ZNF438: variants seen among roughly 807,000 people sequenced by gnomAD.
The protein encoded by ZNF438 is zinc finger protein 438.
ZNF438 carries 25 observed loss-of-function variants against 38.0 expected under a neutral mutation model. That is an observed-to-expected ratio of 0.66 (90% confidence interval 0.48 to 0.92). The LOEUF (loss-of-function observed/expected upper bound fraction) is 0.92. Among genes scored for constraint, ZNF438 ranks in the 40% least tolerant of loss-of-function variants. The probability of loss-of-function intolerance (pLI) is 0.00; values close to 1 mark genes in which losing one functional copy is unlikely to be tolerated. For synonymous variants in ZNF438, 372 were observed against 364.1 expected (o/e 1.02, Z -0.25); for missense variants, 1,007 against 999.6 (o/e 1.01, Z -0.10).
At chr10:30,873,929 G>A (rs1186621765) in intron 4 of ZNF438, among the ~76,000 whole-genome samples, 1 of 151,914 alleles carries the variant, frequency 6.6e-6, no homozygotes, top group African/African-American at 2.4e-5. Context: ...GTGTTTATAA[G>A]TTGGAAATTC....
At chr10:30,856,801 T>A (rs562130508) in intron 4 of ZNF438, among the ~76,000 whole-genome samples, 12 of 152,210 alleles carry the variant, frequency 7.9e-5, no homozygotes, top group Non-Finnish European at 1.5e-4. Flanking sequence ...TCAACAGGAA[T>A]ACTTAATATT....
intron 4 of ZNF438, among the ~76,000 whole-genome samples, chr10:30,868,806 G>T (rs2133372608): frequency 6.6e-6 from 1 of 152,296 alleles, no homozygotes; most frequent in Admixed American, 6.5e-5. Context: ...TACATTATTT[G>T]AACAGATGTA....
Position 30,933,875 on chromosome 10 carries a change from G to A in ZNF438, c.-115+7700C>T, listed in dbSNP as rs989562227. On this transcript the variant is annotated intron_variant, in intron 2 of 5. Coordinates refer to ENST00000413025, the Ensembl canonical transcript of ZNF438. ...GAAATCAGCGCTTGAGGACAGGCGC[G>A]GTGGCTCACGCCTGTAATCCCAACA... is the stretch of plus-strand genomic sequence containing the variant. 1.1e-4 allele frequency among the ~76,000 whole-genome samples: 16 copies of A among 152,032 alleles called. 1 individual carries two copies. Among genetic ancestry groups the A allele is most frequent in the South Asian group, 2.1e-4 (1 of 4,826 alleles).
At chr10:31,017,187 T>A (rs1209655626) in intron 1 of ZNF438, among the ~76,000 whole-genome samples, 2 of 152,238 alleles carry the variant, frequency 1.3e-5, no homozygotes, top group African/African-American at 4.8e-5. Flanking sequence ...TAGAAAGGAA[T>A]TGCAAAGTAT....
At position 30,973,884 on chromosome 10, in the gene ZNF438, C is replaced by T. The variant is rs182802594; in HGVS notation, c.-191-32233G>A. ...CATGTTCATTATTTGAAAACTCTCT[C>T]TGCCCACCCTGCGTGTGACCATGCC... On this transcript the variant is annotated intron_variant, in intron 1 of 5. Transcript: ENST00000413025. Among the ~76,000 whole-genome samples the T allele has an allele frequency of 1.8e-4, 27 of 152,370 alleles. No individual in the cohort carries two copies. In the East Asian group the frequency reaches 4.8e-3, roughly 27 times the overall value.
chr10:30,901,006 T>C (rs1258656990), intron 3 of ZNF438, among the ~76,000 whole-genome samples: 2 of 152,224 alleles, frequency 1.3e-5, no homozygotes, highest in African/African-American at 4.8e-5. Context: ...TTTCTCTAAA[T>C]GACTGTCCTG....
At chr10:30,905,873 T>C (rs947259461) in intron 3 of ZNF438, among the ~76,000 whole-genome samples, 1 of 152,252 alleles carries the variant, frequency 6.6e-6, no homozygotes, top group African/African-American at 2.4e-5. Context: ...CAGTGTACCA[T>C]AGATGTAACA....
At chr10:30,861,153 C>T (rs1418142845) in intron 4 of ZNF438, among the ~76,000 whole-genome samples, 1 of 152,150 alleles carries the variant, frequency 6.6e-6, no homozygotes, top group East Asian at 1.9e-4. Flanking sequence ...TCCATAGATG[C>T]TCAAAACCCT....
chr10:30,891,033 T>C (rs1421362798), intron 3 of ZNF438, among the ~76,000 whole-genome samples: 2 of 152,242 alleles, frequency 1.3e-5, no homozygotes, highest in Non-Finnish European at 2.9e-5. Flanking sequence ...CTGTGAGTAG[T>C]TCTTTGTATA....
chr10:30,850,816 G>A (rs1368086168), intron 4 of ZNF438, among the ~76,000 whole-genome samples: 1 of 152,174 alleles, frequency 6.6e-6, no homozygotes, highest in Non-Finnish European at 1.5e-5. Context: ...TCAGCTTTGT[G>A]AGGGTACAGC....
intron 2 of ZNF438, among the ~76,000 whole-genome samples, chr10:30,932,848 T>C (rs1300713283): frequency 3.3e-5 from 5 of 152,158 alleles, no homozygotes; most frequent in African/African-American, 1.2e-4. Flanking sequence ...GAGGAAAATT[T>C]GGATGTAGAC....
At chr10:30,982,085 T>C (rs12355828) in intron 1 of ZNF438, among the ~76,000 whole-genome samples, 2 of 130,630 alleles carry the variant, frequency 1.5e-5, no homozygotes, top group Admixed American at 8.6e-5. Flanking sequence ...GAGAAAACCA[T>C]CCTTTTTCTC....
At chr10:30,998,540 C>CAAAAAAA (rs55838240) in intron 1 of ZNF438, among the ~76,000 whole-genome samples, 6 of 33,910 alleles carry the variant, frequency 1.8e-4, no homozygotes, top group Admixed American at 4.8e-4. Flanking sequence ...GAGACTGTCT[C>CAAAAAAA]AAAAAAAAAA....
At chr10:30,870,956 AC>A (rs2037312092) in intron 4 of ZNF438, among the ~76,000 whole-genome samples, 1 of 152,220 alleles carries the variant, frequency 6.6e-6, no homozygotes, top group Admixed American at 6.5e-5. Flanking sequence ...TGTAACAATG[AC>A]CAGAGCTCAG....
At chr10:30,922,874 A>G (rs2044476788) in intron 2 of ZNF438, among the ~76,000 whole-genome samples, 1 of 152,180 alleles carries the variant, frequency 6.6e-6, no homozygotes, top group Admixed American at 6.5e-5. Flanking sequence ...TTGTCTAAAA[A>G]TTGTACATTG....
Position 30,962,713 on chromosome 10 carries a change from G to A in ZNF438, c.-191-21062C>T, listed in dbSNP as rs181557216. 1.8e-4 allele frequency among the ~76,000 whole-genome samples: 27 copies of A among 147,106 alleles called. 2 individuals carry two copies. The East Asian group carries it at 3.7e-3, about 20-fold the overall frequency. ...GAGAAGCAAGTTGGATATAGCTTCC[G>A]GCTCATTGTCACACTGGCAGCAATT... On this transcript the variant is annotated intron_variant, in intron 1 of 5. Transcript: ENST00000413025.
intron 4 of ZNF438, among the ~76,000 whole-genome samples, chr10:30,855,268 T>G (rs2034420808): frequency 6.6e-6 from 1 of 152,164 alleles, no homozygotes; most frequent in African/African-American, 2.4e-5. Flanking sequence ...GTGGGCAACC[T>G]GAAGTGACAG....
intron 1 of ZNF438, among the ~76,000 whole-genome samples, chr10:31,000,592 T>A (rs2054549195): frequency 6.6e-6 from 1 of 152,202 alleles, no homozygotes; most frequent in African/African-American, 2.4e-5. Context: ...AATGGCTTCT[T>A]AGCTGACCTC....
intron 1 of ZNF438, among the ~76,000 whole-genome samples, chr10:31,031,491 G>A (rs1399536461): frequency 6.6e-6 from 1 of 152,188 alleles, no homozygotes; most frequent in Non-Finnish European, 1.5e-5. Flanking sequence ...CTGAGAGGGG[G>A]AAGAAAAGGA....
Sources: allele counts gnomAD v4.1 joint callset (sites outside exome capture counted in the v4.1 genomes callset), GRCh38; gene constraint gnomAD v4.1.1; transcripts MANE v1.5; gene names NCBI Gene and HGNC (gene_info 2026-07-23, HGNC 2026-07-21).